ENOX2: variants seen among roughly 807,000 people sequenced by gnomAD.
The protein encoded by ENOX2 is APK1 antigen.
Under a neutral mutation model 45.0 loss-of-function variants are expected in ENOX2, and 36 were observed. The ratio of observed to expected loss-of-function variants is 0.80; its 90% CI spans 0.61 to 1.06. The LOEUF (loss-of-function observed/expected upper bound fraction) is 1.06, where lower values mean the gene tolerates loss of function less well. Among genes scored for constraint, ENOX2 ranks in the 50% least tolerant of loss-of-function variants. ENOX2 has a pLI of 0.00. For missense variants in ENOX2, 423 were observed against 462.5 expected, an observed-to-expected ratio of 0.91 and a Z score of 0.78; for synonymous variants, 174 against 152.3, an observed-to-expected ratio of 1.14 and a Z score of -1.05.
intron 3 of ENOX2, among the ~76,000 whole-genome samples, chrX:130,749,978 CTG>C (rs765078995): frequency 1.3e-4 from 14 of 110,467 alleles, no homozygotes; most frequent in Non-Finnish European, 2.5e-4. Context: ...CTCTCAGGTT[CTG>C]TCTCTTTGTT....
At chrX:130,717,737 C>A (rs940818841) in intron 3 of ENOX2, among the ~76,000 whole-genome samples, 2 of 111,660 alleles carry the variant, frequency 1.8e-5, no homozygotes, top group Non-Finnish European at 3.8e-5. Context: ...AAGATACAAG[C>A]GTAAAGTATA....
intron 3 of ENOX2, among the ~76,000 whole-genome samples, chrX:130,770,680 C>T (rs964490976): frequency 9.0e-6 from 1 of 111,586 alleles, no homozygotes. Context: ...CACAAAAATG[C>T]AAATAAAGCA....
At chrX:130,745,453 G>A (rs183567195) in intron 3 of ENOX2, among the ~76,000 whole-genome samples, 1 of 112,156 alleles carries the variant, frequency 8.9e-6, no homozygotes, top group East Asian at 2.8e-4. Flanking sequence ...GTAACAGAAA[G>A]CTTGGTCTCT....
intron 3 of ENOX2, chrX:130,709,407 G>A: frequency 1.5e-6 from 1 of 663,108 alleles, no homozygotes; most frequent in Non-Finnish European, 2.5e-6. Flanking sequence ...GGGAGGCGGA[G>A]GTGGGTGGAT....
intron 2 of ENOX2, among the ~76,000 whole-genome samples, chrX:130,861,958 C>T (rs1173615150): frequency 1.8e-5 from 2 of 110,945 alleles, no homozygotes; most frequent in Non-Finnish European, 3.8e-5. Flanking sequence ...AATCATATAC[C>T]AGTAAAGTGG....
At chrX:130,822,794 A>G (rs1182782455) in intron 2 of ENOX2, among the ~76,000 whole-genome samples, 2 of 112,181 alleles carry the variant, frequency 1.8e-5, no homozygotes, top group African/African-American at 6.5e-5. Context: ...AAAAAAAGAA[A>G]AAAAAAGATA....
At chrX:130,802,017 C>CAGA (rs751968467) in intron 2 of ENOX2, among the ~76,000 whole-genome samples, 2 of 112,100 alleles carry the variant, frequency 1.8e-5, no homozygotes, top group Non-Finnish European at 3.8e-5. Flanking sequence ...GTTCTATTTG[C>CAGA]AGAAAATCAC....
intron 2 of ENOX2, among the ~76,000 whole-genome samples, chrX:130,900,188 T>C (rs1008410886): frequency 8.9e-6 from 1 of 112,583 alleles, no homozygotes; most frequent in Admixed American, 9.4e-5. Flanking sequence ...GAGTATTACT[T>C]AGTGATTTTT....
intron 3 of ENOX2, among the ~76,000 whole-genome samples, chrX:130,743,550 C>T (rs1160552766): frequency 9.1e-6 from 1 of 109,431 alleles, no homozygotes; most frequent in African/African-American, 3.4e-5. Flanking sequence ...TGGCTCATTG[C>T]AATCTCTGCA....
intron 10 of ENOX2, among the ~76,000 whole-genome samples, chrX:130,647,664 A>G (rs998924102): frequency 2.7e-5 from 3 of 111,979 alleles, no homozygotes; most frequent in African/African-American, 9.7e-5. Context: ...ATATTCCTTC[A>G]CTAACCTCAG....
intron 3 of ENOX2, among the ~76,000 whole-genome samples, chrX:130,753,820 G>A (rs1884860020): frequency 9.0e-6 from 1 of 111,330 alleles, no homozygotes; most frequent in South Asian, 3.8e-4. Flanking sequence ...CAATGAACAT[G>A]GTGGTGCAGG....
At chrX:130,850,507 T>C in intron 2 of ENOX2, among the ~76,000 whole-genome samples, 1 of 112,137 alleles carries the variant, frequency 8.9e-6, no homozygotes, top group Middle Eastern at 4.6e-3. Flanking sequence ...AATTTCTCCA[T>C]TATTCATTCT....
intron 5 of ENOX2, among the ~76,000 whole-genome samples, chrX:130,681,523 T>C (rs1464924256): frequency 8.9e-6 from 1 of 111,981 alleles, no homozygotes; most frequent in Non-Finnish European, 1.9e-5. Context: ...AAATGTCTCA[T>C]TCCAGGTCAC....
At chrX:130,746,944 T>G (rs1486449541) in intron 3 of ENOX2, among the ~76,000 whole-genome samples, 1 of 112,098 alleles carries the variant, frequency 8.9e-6, no homozygotes, top group Non-Finnish European at 1.9e-5. Flanking sequence ...AAGAGGCTAT[T>G]AGAGTATAAC....
intron 3 of ENOX2, among the ~76,000 whole-genome samples, chrX:130,718,164 G>C (rs955764884): frequency 6.3e-5 from 7 of 111,483 alleles, no homozygotes; most frequent in Non-Finnish European, 1.1e-4. Context: ...GAACAAACAT[G>C]AATGCCAAAG....
intron 2 of ENOX2, among the ~76,000 whole-genome samples, chrX:130,869,989 G>A (rs1351671525): frequency 1.8e-5 from 2 of 111,805 alleles, no homozygotes; most frequent in African/African-American, 6.5e-5. Flanking sequence ...TTTTATGAAA[G>A]AGAGAGAGGA....
chrX:130,652,533 T>A (rs2036432574), intron 10 of ENOX2, among the ~76,000 whole-genome samples: 1 of 112,489 alleles, frequency 8.9e-6, no homozygotes, highest in Non-Finnish European at 1.9e-5. Context: ...CTGCAGTTCA[T>A]CTCATCATAT....
At chrX:130,810,966 C>T (rs1326786151) in intron 2 of ENOX2, among the ~76,000 whole-genome samples, 1 of 112,095 alleles carries the variant, frequency 8.9e-6, no homozygotes, top group African/African-American at 3.2e-5. Flanking sequence ...TCTCTGTTAC[C>T]CAAGGCTTCA....
chrX:130,828,011 G>T (rs374242516), intron 2 of ENOX2, among the ~76,000 whole-genome samples: 1 of 112,064 alleles, frequency 8.9e-6, no homozygotes, highest in East Asian at 2.8e-4. Flanking sequence ...TCATTTTTCC[G>T]AAGAGGAAAT....
Sources: gnomAD v4.1 joint callset for allele counts (sites outside exome capture counted in the v4.1 genomes callset) on GRCh38, gnomAD v4.1.1 for gene constraint, MANE v1.5 for transcripts, NCBI Gene and HGNC (gene_info 2026-07-23, HGNC 2026-07-21) for gene names.